The following NSMCE2 variants were observed in gnomAD, a reference collection of about 807,000 sequenced individuals.
NSMCE2 encodes the protein NSE2 SUMO ligase component of SMC5/6 complex.
In NSMCE2, 24 loss-of-function variants were observed where a neutral mutation model predicts 23.8. The observed-to-expected ratio is 1.01, with a 90% CI of 0.73 to 1.42. The LOEUF (loss-of-function observed/expected upper bound fraction) is 1.42, where lower values mean the gene tolerates loss of function less well. NSMCE2 is among the 40% of genes most tolerant of loss of function. The probability of loss-of-function intolerance (pLI) is 0.00; values close to 1 mark genes in which losing one functional copy is unlikely to be tolerated. For missense variants in NSMCE2, 284 were observed against 296.5 expected, an observed-to-expected ratio of 0.96 and a Z score of 0.31; for synonymous variants, 92 against 94.1, an observed-to-expected ratio of 0.98 and a Z score of 0.13.
intron 4 of NSMCE2, among the ~76,000 whole-genome samples, chr8:125,168,167 G>A (rs896368159): frequency 6.6e-6 from 1 of 152,052 alleles, no homozygotes; most frequent in African/African-American, 2.4e-5. Context: ...CTCTTCCTAA[G>A]AGCATAATGT....
chr8:125,269,822 T>C (rs913383278), intron 5 of NSMCE2, among the ~76,000 whole-genome samples: 2 of 152,236 alleles, frequency 1.3e-5, no homozygotes, highest in East Asian at 1.9e-4. Flanking sequence ...AGTTAATTGC[T>C]CAAGAGCCTT....
intron 5 of NSMCE2, 141 bp downstream of exon 5, chr8:125,182,397 G>A: frequency 1.4e-6 from 1 of 730,772 alleles, no homozygotes; most frequent in South Asian, 1.6e-5. Context: ...TATTGTTGTT[G>A]CAATTCTGTA....
intron 5 of NSMCE2, among the ~76,000 whole-genome samples, chr8:125,350,421 A>C (rs556464257): frequency 6.6e-6 from 1 of 152,340 alleles, no homozygotes; most frequent in South Asian, 2.1e-4. Context: ...CATGTTCCAG[A>C]AACAGAAAAG....
intron 5 of NSMCE2, among the ~76,000 whole-genome samples, chr8:125,284,977 G>A (rs1023123807): frequency 6.6e-6 from 1 of 152,124 alleles, no homozygotes; most frequent in Non-Finnish European, 1.5e-5. Flanking sequence ...GAGATTCTAG[G>A]AAAGAATAGC....
intron 4 of NSMCE2, among the ~76,000 whole-genome samples, chr8:125,159,287 A>G (rs1025147735): frequency 1.3e-5 from 2 of 152,240 alleles, no homozygotes; most frequent in Non-Finnish European, 2.9e-5. Flanking sequence ...ACATAGTCAT[A>G]CAGTCATGAA....
intron 3 of NSMCE2, among the ~76,000 whole-genome samples, chr8:125,112,367 C>T (rs1355593892): frequency 6.6e-6 from 1 of 152,150 alleles, no homozygotes; most frequent in African/African-American, 2.4e-5. Context: ...AATAGAACTA[C>T]CATATGATCT....
intron 5 of NSMCE2, among the ~76,000 whole-genome samples, chr8:125,230,838 TC>T (rs1825293103): frequency 3.9e-5 from 6 of 152,198 alleles, no homozygotes; most frequent in Non-Finnish European, 8.8e-5. Flanking sequence ...TTTGCCCCTG[TC>T]TTTCTTAGAC....
intron 4 of NSMCE2, among the ~76,000 whole-genome samples, chr8:125,153,829 AG>A (rs1252615422): frequency 6.6e-6 from 1 of 152,222 alleles, no homozygotes; most frequent in Non-Finnish European, 1.5e-5. Flanking sequence ...TTGCAAACTC[AG>A]ATTTCCAAAC....
At chr8:125,098,208 T>C (rs1193534352) in intron 1 of NSMCE2, among the ~76,000 whole-genome samples, 1 of 152,208 alleles carries the variant, frequency 6.6e-6, no homozygotes, top group Non-Finnish European at 1.5e-5. Flanking sequence ...GCCCATCAGA[T>C]GATTCAATAC....
chr8:125,289,509 A>C (rs1828028672), intron 5 of NSMCE2, among the ~76,000 whole-genome samples: 1 of 152,170 alleles, frequency 6.6e-6, no homozygotes, highest in African/African-American at 2.4e-5. Context: ...TACTTATCAG[A>C]GGGCATTCTT....
intron 5 of NSMCE2, among the ~76,000 whole-genome samples, chr8:125,269,985 G>A (rs1006269675): frequency 6.6e-6 from 1 of 152,146 alleles, no homozygotes; most frequent in African/African-American, 2.4e-5. Context: ...GGCCCTTATG[G>A]TTCTTTAGGA....
intron 3 of NSMCE2, among the ~76,000 whole-genome samples, chr8:125,120,832 A>G (rs980189161): frequency 5.9e-5 from 9 of 152,232 alleles, no homozygotes; most frequent in Admixed American, 3.3e-4. Context: ...ACCAAGTCGC[A>G]AGAGGCGCAT....
chr8:125,274,815 A>G (rs1460870450), intron 5 of NSMCE2, among the ~76,000 whole-genome samples: 3 of 151,688 alleles, frequency 2.0e-5, no homozygotes, highest in East Asian at 1.9e-4. Context: ...CTGTAATCCC[A>G]GCTACTTGGG....
chr8:125,332,236 T>C (rs530542063), intron 5 of NSMCE2, among the ~76,000 whole-genome samples: 2 of 152,392 alleles, frequency 1.3e-5, no homozygotes, highest in African/African-American at 2.4e-5. Flanking sequence ...TTGAGAATTC[T>C]ATAAAGGGCA....
intron 5 of NSMCE2, among the ~76,000 whole-genome samples, chr8:125,304,170 C>T (rs934922282): frequency 1.3e-5 from 2 of 152,310 alleles, no homozygotes; most frequent in Non-Finnish European, 2.9e-5. Flanking sequence ...TCCCTTAGTG[C>T]TTAATGATTA....
At chr8:125,248,526 G>A (rs1424676378) in intron 5 of NSMCE2, among the ~76,000 whole-genome samples, 2 of 152,096 alleles carry the variant, frequency 1.3e-5, no homozygotes, top group African/African-American at 4.8e-5. Context: ...GGTGGTGCAT[G>A]CCTGTAGTCC....
intron 5 of NSMCE2, among the ~76,000 whole-genome samples, chr8:125,264,115 CA>C: frequency 1.3e-5 from 2 of 152,296 alleles, no homozygotes; most frequent in Middle Eastern, 6.8e-3. Context: ...AATCCAGGTC[CA>C]TGAGGGAGTC....
At chr8:125,159,129 C>T (rs1821470603) in intron 4 of NSMCE2, among the ~76,000 whole-genome samples, 1 of 152,182 alleles carries the variant, frequency 6.6e-6, no homozygotes, top group South Asian at 2.1e-4. Context: ...TACAATAAGA[C>T]ATTTTGAGAG....
intron 5 of NSMCE2, among the ~76,000 whole-genome samples, chr8:125,351,211 C>T (rs543030464): frequency 6.6e-6 from 1 of 152,290 alleles, no homozygotes; most frequent in African/African-American, 2.4e-5. Flanking sequence ...AAATTGGGAA[C>T]TTACATCTTG....
Sources: allele counts gnomAD v4.1 joint callset (sites outside exome capture counted in the v4.1 genomes callset), GRCh38; gene constraint gnomAD v4.1.1; transcripts MANE v1.5; gene names NCBI Gene and HGNC (gene_info 2026-07-23, HGNC 2026-07-21).